The following NUTM2G variants were observed in gnomAD, a reference collection of about 807,000 sequenced individuals.
The protein encoded by NUTM2G is NUT family member 2G, also known as family with sequence similarity 22, member G.
NUTM2G carries 29 observed loss-of-function variants against 44.3 expected under a neutral mutation model. The ratio of observed to expected loss-of-function variants is 0.66; its 90% CI spans 0.49 to 0.89. NUTM2G has a LOEUF of 0.89. NUTM2G is among the 40% of genes least tolerant of loss of function. NUTM2G has a pLI of 0.00. For missense variants in NUTM2G, 502 were observed against 946.5 expected (o/e 0.53, Z 6.16); for synonymous variants, 205 against 395.9 (o/e 0.52, Z 5.72).
rs1298518847 is a variant in NUTM2G at position 96,938,581 on chromosome 9, G to A, written c.1658G>A (p.Gly553Asp). 6.2e-7 allele frequency: 1 copy of A among 1,613,324 alleles called. No individual in the cohort carries two copies. Among genetic ancestry groups the A allele is most frequent in the Admixed American group, 1.7e-5 (1 of 60,008 alleles). Residue 553 changes from glycine to aspartate, a missense_variant, in exon 7 of 7, where the codon GGC (glycine) becomes GAC (aspartate). By Grantham distance (94) the Gly-to-Asp change is moderately conservative. Coordinates refer to ENST00000372322, the MANE Select transcript of NUTM2G (RefSeq NM_001170741.3). ...DPQGQGRVRT[G>D]MARSEDPAVL... Reference sequence around the variant, plus strand: ...CAGGGACAGGGCAGAGTGCGCACTGGCATGGCCAGGTCCGAAGACCCTGCT... The same window carrying A: ...CAGGGACAGGGCAGAGTGCGCACTGACATGGCCAGGTCCGAAGACCCTGCT...
At chr9:96,930,787 C>A (rs1041566796) in intron 1 of NUTM2G, among the ~76,000 whole-genome samples, 1 of 145,204 alleles carries the variant, frequency 6.9e-6, no homozygotes, top group South Asian at 2.2e-4. Flanking sequence ...GGTGCCAGGA[C>A]AATCACTTGC....
downstream of NUTM2G, among the ~76,000 whole-genome samples, chr9:96,941,897 CACAG>C (rs1836737329): frequency 6.9e-6 from 1 of 145,234 alleles, no homozygotes; most frequent in African/African-American, 2.6e-5. Context: ...TGCTGTGGGA[CACAG>C]TGCAAGGGAA....
intron 1 of NUTM2G, 132 bp from the exon 2 acceptor site, chr9:96,931,590 A>C: frequency 1.3e-6 from 1 of 754,488 alleles, no homozygotes; most frequent in Non-Finnish European, 2.2e-6. Flanking sequence ...TCTGATGCAC[A>C]CTCAGGGACA....
chr9:96,931,968 A>C lies in NUTM2G; in HGVS notation c.263A>C (p.Glu88Ala), dbSNP rs545943360. The C allele has an allele frequency of 3.7e-6, 6 of 1,611,758 alleles. No individual in the cohort carries two copies. The East Asian group carries it at 1.3e-4, about 36-fold the overall frequency. The change falls in exon 2 of 7, where the codon GAA (glutamate) becomes GCA (alanine). Residue 88 changes from glutamate (E) to alanine (A), a missense_variant. Transcript: ENST00000372322. ...ASNVFVQMRT[E>A]VGPVKPPQAQ... ...AACGTCTTTGTCCAGATGAGGACAG[A>C]AGTGGGGCCTGTGAAGCCCCCTCAG...
At chr9:96,934,863 C>A (rs1342789450) in intron 2 of NUTM2G, among the ~76,000 whole-genome samples, 1 of 151,922 alleles carries the variant, frequency 6.6e-6, no homozygotes, top group Non-Finnish European at 1.5e-5. Flanking sequence ...TGGTCAGGGC[C>A]CTCTTCCTGG....
In NUTM2G at chr9:96,937,161, A is replaced by C; in HGVS notation, c.1080A>C (p.Pro360=). 1.9e-6 allele frequency: 3 copies of C among 1,612,260 alleles called. No homozygotes were observed. The highest frequency in any genetic ancestry group is 2.7e-5 in the African/African-American group (2 of 74,966). The part of the protein sequence containing the change: ...RPAETKAHLP[P]PRPPRPAETK... ...CGGAGACCAAGGCCCACCTGCCACCACCCAGGCCCCCGAGGCCAGCAGAGA... is the reference window on the plus strand; with the variant it reads ...CGGAGACCAAGGCCCACCTGCCACCCCCCAGGCCCCCGAGGCCAGCAGAGA... The change falls in exon 5 of 7, where the codon CCA becomes CCC. Residue 360 remains proline (P), a synonymous_variant. Coordinates refer to ENST00000372322, the MANE Select transcript of NUTM2G (RefSeq NM_001170741.3).
chr9:96,936,708 T>C lies in NUTM2G; in HGVS notation c.982+144T>C, dbSNP rs1031486849. ...AGCTTCCGGGACTGTATGTTGGGTA[T>C]TGACCAGGTCAATACCTACTTCATG... On this transcript the variant is annotated intron_variant, in intron 4 of 6. Transcript: ENST00000372322. The C allele has an allele frequency of 1.3e-5, 18 of 1,429,472 alleles. No individual in the cohort carries two copies. In the African/African-American group the frequency reaches 1.7e-4, roughly 14 times the overall value. The allele number at this position is 1,429,472 out of a possible 1,614,324, so 88.5% of individuals were successfully genotyped here.
intron 2 of NUTM2G, among the ~76,000 whole-genome samples, chr9:96,934,724 T>C (rs1005345698): frequency 1.3e-5 from 2 of 151,718 alleles, no homozygotes; most frequent in African/African-American, 4.8e-5. Flanking sequence ...TCTGTGTGCA[T>C]GGTGTCTCAG....
In NUTM2G at chr9:96,936,497, G is replaced by A. The variant is rs1350279323; in HGVS notation, c.915G>A (p.Leu305=). The change falls in exon 4 of 7, where the codon CTG becomes CTA. Residue 305 remains leucine, a synonymous_variant. Transcript: ENST00000372322. ...AGTGGATGAAGGGGCCCCAGAGCCT[G>A]CCTCCTCCAGCCCCGCCGAGGCTTG... is the stretch of plus-strand genomic sequence containing the variant. The part of the protein sequence containing the change: ...KSQWMKGPQS[L]PPPAPPRLEP... The A allele has an allele frequency of 3.9e-6, 6 of 1,549,276 alleles. No homozygotes were observed. Among genetic ancestry groups the A allele is most frequent in the African/African-American group, 1.4e-5 (1 of 73,720 alleles).
chr9:96,934,186 G>C (rs1423553645), intron 2 of NUTM2G, among the ~76,000 whole-genome samples: 1 of 152,132 alleles, frequency 6.6e-6, no homozygotes, highest in East Asian at 1.9e-4. Context: ...AGCAACATCA[G>C]CATCTGGGAG....
chr9:96,940,417 T>C (rs1302241433), downstream of NUTM2G, among the ~76,000 whole-genome samples: 14 of 150,042 alleles, frequency 9.3e-5, no homozygotes, highest in Non-Finnish European at 1.6e-4. Flanking sequence ...TTTCCCAGGT[T>C]GTCCTGTCCT....
intron 2 of NUTM2G, among the ~76,000 whole-genome samples, chr9:96,934,199 T>C (rs1826358243): frequency 6.6e-6 from 1 of 151,526 alleles, no homozygotes; most frequent in African/African-American, 2.4e-5. Flanking sequence ...TCTGGGAGAG[T>C]TTGTGGTTTC....
intron 2 of NUTM2G, among the ~76,000 whole-genome samples, chr9:96,932,875 C>T (rs1258159061): frequency 6.6e-6 from 1 of 151,762 alleles, no homozygotes; most frequent in Non-Finnish European, 1.5e-5. Flanking sequence ...TCTTGAACTC[C>T]CGACCTCAGT....
intron 2 of NUTM2G, 61 bp downstream of exon 2, chr9:96,932,479 T>A: frequency 8.8e-7 from 1 of 1,137,052 alleles, no homozygotes; most frequent in Non-Finnish European, 1.3e-6. Flanking sequence ...GGCTGCTGGA[T>A]GGACAGGAGG....
Position 96,938,607 on chromosome 9 carries a change from G to A in NUTM2G, c.1684G>A (p.Val562Met), listed in dbSNP as rs2119045309. 1 of 1,605,850 alleles carries A rather than the reference G, an allele frequency of 6.2e-7. No homozygotes were observed. ...TGMARSEDPA[V>M]LLGCQDSPRL... is the part of the protein sequence containing the mutation. ...CATGGCCAGGTCCGAAGACCCTGCTGTGCTTTTGGGATGTCAGGACTCCCC... is the reference window on the plus strand; with the variant it reads ...CATGGCCAGGTCCGAAGACCCTGCTATGCTTTTGGGATGTCAGGACTCCCC... Residue 562 changes from valine to methionine, a missense_variant, in exon 7 of 7, where the codon GTG (valine) becomes ATG (methionine). Physicochemically the swap from Val to Met is conservative, Grantham distance 21. Coordinates refer to ENST00000372322, the MANE Select transcript of NUTM2G (RefSeq NM_001170741.3).
intron 1 of NUTM2G, among the ~76,000 whole-genome samples, chr9:96,930,925 C>T (rs1303691390): frequency 5.0e-5 from 5 of 99,692 alleles, no homozygotes; most frequent in East Asian, 3.4e-4. Flanking sequence ...GACGGAGTCT[C>T]GCTCTGTCAC....
rs892207925 is a variant in NUTM2G, at chr9:96,937,826, C to T, written c.1324-59C>T. ...TGCTTTCTGCATCTCCTCCGGGTGT[C>T]CTTGGCTCCAGGTTACTCCCTCCCC... On this transcript the variant is annotated intron_variant, in intron 5 of 6. Coordinates refer to ENST00000372322, the MANE Select transcript of NUTM2G (RefSeq NM_001170741.3). 5.6e-6 allele frequency: 9 copies of T among 1,599,080 alleles called. No homozygotes were observed. The African/African-American group carries it at 1.2e-4, about 21-fold the overall frequency.
At chr9:96,929,228 A>C (rs1826167396) in intron 1 of NUTM2G, among the ~76,000 whole-genome samples, 188 bp downstream of exon 1, 2 of 152,122 alleles carry the variant, frequency 1.3e-5, no homozygotes, top group African/African-American at 4.8e-5. Context: ...AGGGCTCCTT[A>C]GAGGCGGACC....
rs750307487 is a variant in NUTM2G at position 96,937,065 on chromosome 9, G to A, written c.984G>A (p.Val328=). Residue 328 remains valine, a splice_region_variant and synonymous_variant, in exon 5 of 7, where the codon GTG becomes GTA. Transcript: ENST00000372322. The part of the protein sequence containing the change: ...PPAPEVVKQP[V]YLPSKDGPKA... ...CATCCTCCTCCCTCTCTGCCTCAGT[G>A]TACCTTCCCAGCAAGGATGGCCCCA... 2 of 1,604,980 alleles carry A rather than the reference G, an allele frequency of 1.2e-6. No individual in the cohort carries two copies. The highest frequency in any genetic ancestry group is 1.7e-6 in the Non-Finnish European group (2 of 1,178,100).
Sources: allele counts gnomAD v4.1 joint callset (sites outside exome capture counted in the v4.1 genomes callset), GRCh38; gene constraint gnomAD v4.1.1; transcripts MANE v1.5; gene names NCBI Gene and HGNC (gene_info 2026-07-23, HGNC 2026-07-21).